The following AMZ2 variants were observed in gnomAD, a reference collection of about 807,000 sequenced individuals.
The protein encoded by AMZ2 is archaelysin family metallopeptidase 2.
A neutral mutation model predicts 36.7 loss-of-function variants in AMZ2; 26 were observed. That is an observed-to-expected ratio of 0.71 (90% CI 0.52 to 0.98). The LOEUF is 0.98. AMZ2 is among the 50% of genes least tolerant of loss of function. The pLI is 0.00. For missense variants in AMZ2, 394 were observed against 430.5 expected, an observed-to-expected ratio of 0.92 and a Z score of 0.75; for synonymous variants, 144 against 149.1, an observed-to-expected ratio of 0.97 and a Z score of 0.25.
At chr17:68,247,008 G>A (rs1192518421), upstream of AMZ2, 12 of 149,972 alleles carry the variant, frequency 8.0e-5, no homozygotes, top group African/African-American at 2.9e-4. Flanking sequence ...AGGAGTTCGA[G>A]ACCAGCCTGG....
At chr17:68,245,618 G>C (rs542066494), upstream of AMZ2, among the ~76,000 whole-genome samples, 6 of 152,236 alleles carry the variant, frequency 3.9e-5, no homozygotes, top group South Asian at 1.2e-3. Context: ...TTGTGAGCAA[G>C]TACAAAGTTC....
intron 1 of AMZ2, among the ~76,000 whole-genome samples, chr17:68,242,482 G>T (rs1489572103): frequency 1.3e-5 from 2 of 151,976 alleles, no homozygotes; most frequent in African/African-American, 4.8e-5. Context: ...CGCGATCTCG[G>T]CTCACTGCAA....
At chr17:68,227,048 G>A (rs1245523227) in intron 1 of AMZ2, among the ~76,000 whole-genome samples, 1 of 151,456 alleles carries the variant, frequency 6.6e-6, no homozygotes, top group Admixed American at 6.6e-5. Flanking sequence ...CACCGAGAGA[G>A]GGAGGCCCTA....
At chr17:68,216,257 C>G (rs537336752) in intron 1 of AMZ2, among the ~76,000 whole-genome samples, 7 of 152,252 alleles carry the variant, frequency 4.6e-5, no homozygotes, top group South Asian at 2.1e-4. Flanking sequence ...CCTCAGCCCC[C>G]CTAGGAGCTG....
At chr17:68,229,115 T>G (rs1692502922) in intron 1 of AMZ2, among the ~76,000 whole-genome samples, 1 of 152,174 alleles carries the variant, frequency 6.6e-6, no homozygotes, top group Non-Finnish European at 1.5e-5. Context: ...CTCCCTCCAC[T>G]CCACCCTCCC....
chr17:68,254,377 C>A, intron 4 of AMZ2, 27 bp from the exon 5 acceptor site: 1 of 1,595,254 alleles, frequency 6.3e-7, no homozygotes, highest in South Asian at 1.1e-5. Context: ...TACTCTCATT[C>A]TGTCACTGTT....
intron 4 of AMZ2, among the ~76,000 whole-genome samples, chr17:68,253,239 C>T (rs1555740757): frequency 3.9e-5 from 6 of 152,112 alleles, no homozygotes; most frequent in Non-Finnish European, 7.4e-5. Flanking sequence ...GCTATCTTTG[C>T]TTAATTTTCA....
At chr17:68,241,912 T>C (rs1322233719) in intron 1 of AMZ2, among the ~76,000 whole-genome samples, 11 of 150,366 alleles carry the variant, frequency 7.3e-5, no homozygotes, top group Non-Finnish European at 1.3e-4. Context: ...CTTTTTCTTT[T>C]TTTTTTTTTT....
chr17:68,230,409 GC>G (rs2073630718), intron 1 of AMZ2, among the ~76,000 whole-genome samples: 1 of 152,188 alleles, frequency 6.6e-6, no homozygotes, highest in African/African-American at 2.4e-5. Flanking sequence ...CCTGAAGTGA[GC>G]CCCTCCATGC....
At chr17:68,207,313 A>AACCCCCCCC (rs2072865347) in intron 1 of AMZ2, 3 of 110,650 alleles carry the variant, frequency 2.7e-5, no homozygotes, top group African/African-American at 3.4e-5. Flanking sequence ...TTTGTTAAAT[A>AACCCCCCCC]CCCCCCCCCC....
At chr17:68,223,884 T>TTTTA (rs71142151) in intron 1 of AMZ2, among the ~76,000 whole-genome samples, 11 of 86,642 alleles carry the variant, frequency 1.3e-4, no homozygotes, top group South Asian at 3.5e-4. Context: ...CCCAGCTAAT[T>TTTTA]TATATATATA....
chr17:68,256,741 G>GC, intron 6 of AMZ2, 73 bp from the exon 7 acceptor site: 1 of 1,507,438 alleles, frequency 6.6e-7, no homozygotes, highest in Non-Finnish European at 9.0e-7. Flanking sequence ...TGATCTAGAA[G>GC]CCAATGCTTC....
rs116656962 is a variant in AMZ2, at chr17:68,214,687, T to C, written c.-67+8449T>C. The stretch of plus-strand genomic sequence containing the variant: ...TCCTTTTTAGTTGGAGATCAGACTT[T>C]CTTGAGTCTGCTGAGGCAGTAATCA... On this transcript the variant is annotated intron_variant, in intron 1 of 7. Transcript: ENST00000674770. Among the ~76,000 whole-genome samples the C allele has an allele frequency of 2.3e-3, 357 of 152,258 alleles. 4 individuals carry two copies. Among genetic ancestry groups the C allele is most frequent in the Middle Eastern group, 0.014 (4 of 294 alleles).
intron 1 of AMZ2, among the ~76,000 whole-genome samples, chr17:68,217,630 T>C (rs1322936077): frequency 6.6e-6 from 1 of 152,174 alleles, no homozygotes; most frequent in Non-Finnish European, 1.5e-5. Context: ...GTAGATTACA[T>C]GTGGACTCCT....
At chr17:68,211,808 A>ATATG (rs1706473490) in intron 1 of AMZ2, among the ~76,000 whole-genome samples, 2 of 105,136 alleles carry the variant, frequency 1.9e-5, no homozygotes, top group East Asian at 2.9e-4. Flanking sequence ...GTGTATATGT[A>ATATG]TATATGTATG....
intron 5 of AMZ2, 52 bp downstream of exon 5, chr17:68,254,619 T>TGGAGGCCGGGCG: frequency 6.9e-7 from 1 of 1,450,582 alleles, no homozygotes; most frequent in Non-Finnish European, 9.5e-7. Context: ...AGATCTTAGT[T>TGGAGGCCGGGCG]CCGTAAACTG....
At chr17:68,214,923 ACAGGTGTGTGACACCACGC>A (rs72339421) in intron 1 of AMZ2, among the ~76,000 whole-genome samples, 35,087 of 151,978 alleles carry the variant, frequency 0.23, 4,344 homozygotes, top group South Asian at 0.29. Flanking sequence ...AGCTGGGACT[ACAGGTGTGTGACACCACGC>A]CCGGCTAATT....
intron 1 of AMZ2, among the ~76,000 whole-genome samples, chr17:68,215,077 T>TG (rs2073162988): frequency 6.6e-6 from 1 of 152,182 alleles, no homozygotes; most frequent in African/African-American, 2.4e-5. Flanking sequence ...AGCCACTGCG[T>TG]CCAGACTAAC....
At chr17:68,225,024 A>AC (rs1333801244) in intron 1 of AMZ2, among the ~76,000 whole-genome samples, 1 of 146,498 alleles carries the variant, frequency 6.8e-6, no homozygotes, top group Admixed American at 6.8e-5. Context: ...CTAAAAAAAA[A>AC]AACACACACA....
Sources: allele counts gnomAD v4.1 joint callset (sites outside exome capture counted in the v4.1 genomes callset), GRCh38; gene constraint gnomAD v4.1.1; transcripts MANE v1.5; gene names NCBI Gene and HGNC (gene_info 2026-07-23, HGNC 2026-07-21).